Variants in UNKL observed in about 807,000 individuals in gnomAD.
UNKL encodes the protein unk like zinc finger.
UNKL carries 60 observed loss-of-function variants against 78.0 expected under a neutral mutation model. The ratio of observed to expected loss-of-function variants is 0.77; its 90% confidence interval spans 0.63 to 0.95. The LOEUF (loss-of-function observed/expected upper bound fraction) is 0.95, where lower values mean the gene tolerates loss of function less well. UNKL is among the 40% of genes least tolerant of loss of function. The pLI is 0.00. For synonymous variants in UNKL, 608 were observed against 474.8 expected (o/e 1.28, Z -3.65); for missense variants, 1,159 against 1,045.7 (o/e 1.11, Z -1.49).
chr16:1,369,083 T>TTTTTGA (rs2035562133), intron 12 of UNKL, among the ~76,000 whole-genome samples: 1 of 72,376 alleles, frequency 1.4e-5, no homozygotes, highest in Non-Finnish European at 2.6e-5. Context: ...TTTTTTTTTT[T>TTTTTGA]GAAATGGAGT....
Position 1,399,417 on chromosome 16 carries a change from T to C in UNKL, c.691A>G (p.Asn231Asp), listed in dbSNP as rs2142188134. Residue 231 changes from asparagine (N) to aspartate (D), a missense_variant, in exon 5 of 15, where the codon AAT (asparagine) becomes GAT (aspartate). By Grantham distance (23) the Asn-to-Asp change is conservative. Coordinates refer to ENST00000389221, the MANE Select transcript of UNKL (RefSeq NM_001372107.1). This position sits in a 1 kb window ranked among gnomAD's most constrained non-coding sequence, Gnocchi z 5.8. ...RQGYACPHYHNSRDRRRNPRR... is the reference protein window; with the variant it reads ...RQGYACPHYHDSRDRRRNPRR... ...GGGTTGCGCCGCCTGTCCCGGCTAT[T>C]GTGGTAGTGTGGGCACGCATAGCCC... The C allele has an allele frequency of 1.9e-6, 3 of 1,605,670 alleles. No individual in the cohort carries two copies. Among genetic ancestry groups the C allele is most frequent in the Admixed American group, 1.7e-5 (1 of 59,430 alleles).
At chr16:1,398,888 C>G (rs763176974) in intron 5 of UNKL, 1 of 1,574,028 alleles carries the variant, frequency 6.4e-7, no homozygotes, top group South Asian at 1.2e-5. Flanking sequence ...CAGGGCGACC[C>G]TTGGGTTGTT....
chr16:1,389,612 A>G (rs1216409930), intron 9 of UNKL, among the ~76,000 whole-genome samples: 1 of 152,046 alleles, frequency 6.6e-6, no homozygotes, highest in African/African-American at 2.4e-5. Flanking sequence ...AACAGCAACA[A>G]TGAAATGAGG....
chr16:1,394,536 G>A (rs1443728587), intron 6 of UNKL: 2 of 536,174 alleles, frequency 3.7e-6, no homozygotes, highest in Non-Finnish European at 7.2e-6. Context: ...TGCAGCAGGT[G>A]CCTAATAAGT....
At position 1,364,231 on chromosome 16, in the gene UNKL, C is replaced by G. The variant is rs576285016; in HGVS notation, c.*2009G>C. On this transcript the variant is annotated 3_prime_UTR_variant, in exon 15 of 15. Transcript: ENST00000389221. ...TAGTTACCTTGGAGTAGTGGACTAG[C>G]TGCAGAATGTCACGGACCCACTTCC... 6.6e-6 allele frequency: 1 copy of G among 152,356 alleles called. No individual in the cohort carries two copies. The highest frequency in any genetic ancestry group is 1.9e-4 in the East Asian group (1 of 5,194). The allele number at this position is 152,356 out of a possible 1,614,324, so 9.4% of individuals were successfully genotyped here. A position where few individuals can be genotyped will look rare whatever the true frequency, so the allele number is the denominator to read the frequency against.
intron 10 of UNKL, chr16:1,379,599 C>A: frequency 1.0e-6 from 1 of 985,182 alleles, no homozygotes. Context: ...CGCACCTTGG[C>A]GGCGCACGGC....
intron 11 of UNKL, among the ~76,000 whole-genome samples, chr16:1,371,096 A>AG (rs1345936829): frequency 1.3e-5 from 2 of 152,036 alleles, no homozygotes; most frequent in Non-Finnish European, 2.9e-5. Context: ...AAAAAAAAAA[A>AG]AAAAAAAGAT....
intron 9 of UNKL, among the ~76,000 whole-genome samples, chr16:1,389,394 T>G (rs890005523): frequency 8.5e-5 from 13 of 152,144 alleles, no homozygotes; most frequent in Non-Finnish European, 1.0e-4. Flanking sequence ...GAGAACAGGC[T>G]GGGCAACCCC....
intron 7 of UNKL, among the ~76,000 whole-genome samples, chr16:1,393,331 A>G (rs373582306): frequency 3.9e-5 from 6 of 152,162 alleles, no homozygotes; most frequent in East Asian, 1.9e-4. Context: ...GTGGGTTCCC[A>G]CTGAACCCAA....
rs2037692319 is a variant in UNKL at position 1,405,143 on chromosome 16, C to T, written c.288-1799G>A. On this transcript the variant is annotated intron_variant, in intron 2 of 14. Coordinates refer to ENST00000389221, the MANE Select transcript of UNKL (RefSeq NM_001372107.1). ...CCAAAAGGCCAAGGCTGCAGTGAGT[C>T]GTGATTGTGCCACCACACTTCAGCA... 3.5e-5 allele frequency among the ~76,000 whole-genome samples: 5 copies of T among 142,666 alleles called. No homozygotes were observed. In the Admixed American group the frequency reaches 3.7e-4, roughly 10 times the overall value. The allele number at this position is 142,666 out of a possible 152,430, so 93.6% of individuals were successfully genotyped here.
At chr16:1,371,848 G>A (rs1036581384) in intron 10 of UNKL, among the ~76,000 whole-genome samples, 1 of 152,172 alleles carries the variant, frequency 6.6e-6, no homozygotes, top group East Asian at 1.9e-4. Flanking sequence ...GGGACGCCCC[G>A]CACCACAGAC....
chr16:1,399,045 C>G lies in UNKL; in HGVS notation c.734+329G>C. The G allele has an allele frequency of 7.0e-7, 1 of 1,420,502 alleles. No individual in the cohort carries two copies. The highest frequency in any genetic ancestry group is 1.4e-5 in the South Asian group (1 of 69,142). 88.0% of individuals were successfully genotyped at this position (1,420,502 alleles called of 1,614,324 possible). A position where few individuals can be genotyped will look rare whatever the true frequency, so the allele number is the denominator to read the frequency against. On this transcript the variant is annotated intron_variant, in intron 5 of 14. Transcript: ENST00000389221. This position sits in a 1 kb window ranked among gnomAD's most constrained non-coding sequence, Gnocchi z 5.8. ...CACAGGCTGGAGAGCGTGGCTGCAA[C>G]CAGAGGCACGGGTGGGGCACACGGG...
At chr16:1,396,785 G>C (rs779684346) in intron 6 of UNKL, among the ~76,000 whole-genome samples, 1 of 151,720 alleles carries the variant, frequency 6.6e-6, no homozygotes, top group Admixed American at 6.6e-5. Context: ...AGTAGAAACG[G>C]GGTTTTGCCA....
intron 5 of UNKL, chr16:1,398,991 C>G (rs2037397477): frequency 1.4e-6 from 2 of 1,477,530 alleles, no homozygotes; most frequent in South Asian, 2.6e-5. Flanking sequence ...GAGCCCCTGG[C>G]AGCTTGGGTG....
intron 2 of UNKL, among the ~76,000 whole-genome samples, chr16:1,413,483 A>G (rs1359535566): frequency 2.6e-5 from 4 of 151,966 alleles, no homozygotes; most frequent in African/African-American, 7.3e-5. Flanking sequence ...CAGGAGAATC[A>G]CTTGAACCTG....
intron 6 of UNKL, among the ~76,000 whole-genome samples, chr16:1,394,826 C>T (rs2037190441): frequency 1.3e-5 from 2 of 152,212 alleles, no homozygotes; most frequent in African/African-American, 4.8e-5. Flanking sequence ...GGCCCCACCC[C>T]CCCATGGCCC....
chr16:1,397,342 G>GC lies in UNKL; in HGVS notation c.735-48dup, dbSNP rs1362475630. 2.2e-4 allele frequency: 17 copies of GC among 76,920 alleles called. 1 individual carries two copies. The highest frequency in any genetic ancestry group is 2.8e-4 in the Non-Finnish European group (17 of 60,384). 4.8% of individuals were successfully genotyped at this position (76,920 alleles called of 1,614,324 possible). On this transcript the variant is annotated intron_variant, in intron 5 of 14. Coordinates refer to ENST00000389221, the MANE Select transcript of UNKL (RefSeq NM_001372107.1). ...GGGGACACAGAGGACTTGGCTCCCCGCCCCCCACCCCCGTGCTTCACGCTG... is the reference window on the plus strand; with the variant it reads ...GGGGACACAGAGGACTTGGCTCCCCGCCCCCCCACCCCCGTGCTTCACGCTG...
At chr16:1,386,966 C>G (rs560213756) in intron 9 of UNKL, among the ~76,000 whole-genome samples, 1 of 152,334 alleles carries the variant, frequency 6.6e-6, no homozygotes, top group African/African-American at 2.4e-5. Flanking sequence ...AATCCACTTC[C>G]TCTCCCTGGC....
At chr16:1,368,422 G>A (rs1401445440) in intron 12 of UNKL, among the ~76,000 whole-genome samples, 1 of 151,962 alleles carries the variant, frequency 6.6e-6, no homozygotes, top group African/African-American at 2.4e-5. Context: ...CTAACAAGGT[G>A]AAACCCCGTC....
Sources: gnomAD v4.1 joint callset for allele counts (sites outside exome capture counted in the v4.1 genomes callset) on GRCh38, gnomAD v4.1.1 for gene constraint, Gnocchi (gnomAD v3.1) non-coding constraint, MANE v1.5 for transcripts, NCBI Gene and HGNC (gene_info 2026-07-23, HGNC 2026-07-21) for gene names.